The following TNIP3 variants were observed in gnomAD, a reference collection of about 807,000 sequenced individuals.
TNIP3 encodes the protein TNFAIP3 interacting protein 3, also known as TNFAIP3-interacting protein 3.
Under a neutral mutation model 54.1 loss-of-function variants are expected in TNIP3, and 34 were observed. The observed-to-expected ratio is 0.63, with a 90% CI of 0.48 to 0.84. TNIP3 has a LOEUF of 0.84. Ranked by LOEUF, TNIP3 falls within the 40% of genes least tolerant of loss-of-function variation. The probability of loss-of-function intolerance (pLI) is 0.00; values close to 1 mark genes in which losing one functional copy is unlikely to be tolerated. For missense variants in TNIP3, 366 were observed against 387.6 expected (o/e 0.94, Z 0.47); for synonymous variants, 134 against 136.8 (o/e 0.98, Z 0.14).
At chr4:121,189,757 A>C (rs1043055471) in intron 2 of TNIP3, among the ~76,000 whole-genome samples, 5 of 152,216 alleles carry the variant, frequency 3.3e-5, no homozygotes, top group Non-Finnish European at 7.3e-5. Context: ...ATATCGAAGA[A>C]TTGTATTTGC....
At chr4:121,141,334 T>C (rs1404004913) in intron 9 of TNIP3, among the ~76,000 whole-genome samples, 1 of 152,232 alleles carries the variant, frequency 6.6e-6, no homozygotes, top group East Asian at 1.9e-4. Flanking sequence ...GGAGAACAAC[T>C]TAAGTGGGTC....
chr4:121,225,581 C>G lies in TNIP3; in HGVS notation c.3+1804G>C, dbSNP rs754639985. Among the ~76,000 whole-genome samples the G allele has an allele frequency of 8.5e-5, 13 of 152,132 alleles. No individual in the cohort carries two copies. In the East Asian group the frequency reaches 1.2e-3, roughly 13 times the overall value. On this transcript the variant is annotated intron_variant, in intron 1 of 12. Coordinates refer to the TNIP3 transcript ENST00000509841. ...GTACAACTATGAGTAATAGGTGTTC[C>G]TCTAATAATTCATCATTATCTGATC...
At chr4:121,163,910 T>C (rs1403558715) in intron 1 of TNIP3, 150 bp downstream of exon 1, 21 of 824,884 alleles carry the variant, frequency 2.5e-5, no homozygotes, top group Non-Finnish European at 3.5e-5. Context: ...TTTTCTATGT[T>C]ACATAATTTT....
chr4:121,155,552 C>T (rs898543521), intron 4 of TNIP3, among the ~76,000 whole-genome samples: 4 of 152,138 alleles, frequency 2.6e-5, no homozygotes, highest in African/African-American at 9.7e-5. Context: ...ACCACTCCTC[C>T]AATTTTAGAT....
At chr4:121,201,408 T>G (rs1725877540) in intron 2 of TNIP3, among the ~76,000 whole-genome samples, 1 of 152,176 alleles carries the variant, frequency 6.6e-6, no homozygotes, top group African/African-American at 2.4e-5. Flanking sequence ...AAATTAGTTT[T>G]TAAGCATTAT....
At chr4:121,198,567 T>C (rs1725722034) in intron 2 of TNIP3, among the ~76,000 whole-genome samples, 1 of 152,198 alleles carries the variant, frequency 6.6e-6, no homozygotes, top group Non-Finnish European at 1.5e-5. Context: ...AAAATCCCTG[T>C]TTTCATGGAG....
chr4:121,156,117 T>A (rs920021190), intron 4 of TNIP3, among the ~76,000 whole-genome samples: 1 of 152,216 alleles, frequency 6.6e-6, no homozygotes, highest in Non-Finnish European at 1.5e-5. Context: ...TTTTCCTGAC[T>A]CACTGTGACA....
chr4:121,192,026 TTTTG>T (rs1472154661), intron 2 of TNIP3, among the ~76,000 whole-genome samples: 1 of 152,240 alleles, frequency 6.6e-6, no homozygotes, highest in African/African-American at 2.4e-5. Flanking sequence ...TGCATTACCT[TTTTG>T]TTTAATCATT....
chr4:121,137,393 A>G (rs1728850866), intron 10 of TNIP3: 1 of 152,232 alleles, frequency 6.6e-6, no homozygotes, highest in African/African-American at 2.4e-5. Flanking sequence ...GAACTTCATT[A>G]AAACCACTGG....
chr4:121,198,233 G>A (rs1164174798), intron 2 of TNIP3, among the ~76,000 whole-genome samples: 1 of 151,280 alleles, frequency 6.6e-6, no homozygotes, highest in African/African-American at 2.4e-5. Flanking sequence ...TAAAGCAAAA[G>A]GAATAAGCTA....
At chr4:121,170,855 G>A (rs778524000) in intron 3 of TNIP3, among the ~76,000 whole-genome samples, 6 of 151,818 alleles carry the variant, frequency 4.0e-5, no homozygotes, top group African/African-American at 1.5e-4. Flanking sequence ...TTGCTCTGTC[G>A]CTCAAGCTGG....
intron 2 of TNIP3, among the ~76,000 whole-genome samples, chr4:121,196,928 G>A (rs1360255707): frequency 1.3e-5 from 2 of 151,604 alleles, no homozygotes; most frequent in African/African-American, 2.4e-5. Context: ...TTAAAAAAAT[G>A]TAAGAAATAA....
At chr4:121,151,019 G>C (rs1488655812) in intron 5 of TNIP3, among the ~76,000 whole-genome samples, 2 of 152,200 alleles carry the variant, frequency 1.3e-5, no homozygotes, top group Non-Finnish European at 2.9e-5. Flanking sequence ...ATTAGCTCAT[G>C]ATGGGCATAT....
In TNIP3 at chr4:121,150,085, C is replaced by G. The variant is rs776221715; in HGVS notation, c.609+18G>C. ...GCAGTATGTTCTCCACAGGATCATG[C>G]CACTTCCAGCTTCTCACCTGCTGCT... On this transcript the variant is annotated intron_variant, in intron 6 of 10. Coordinates refer to ENST00000057513, the MANE Select transcript of TNIP3 (RefSeq NM_024873.6). 6.5e-7 allele frequency: 1 copy of G among 1,542,780 alleles called. No homozygotes were observed.
chr4:121,216,379 T>TCAGATG, intron 2 of TNIP3: 1 of 1,484,788 alleles, frequency 6.7e-7, no homozygotes, highest in South Asian at 1.2e-5. Flanking sequence ...AATATTAGTA[T>TCAGATG]TAGAAGCATA....
intron 2 of TNIP3, among the ~76,000 whole-genome samples, chr4:121,190,797 G>A (rs1725266283): frequency 6.6e-6 from 1 of 152,204 alleles, no homozygotes. Flanking sequence ...CTCTCAGAGA[G>A]TTTCTTCATA....
intron 3 of TNIP3, among the ~76,000 whole-genome samples, chr4:121,177,713 G>C (rs1724442532): frequency 1.3e-5 from 2 of 152,232 alleles, no homozygotes; most frequent in Non-Finnish European, 2.9e-5. Context: ...TAACCAAATA[G>C]AAATTTTCTT....
At chr4:121,216,332 C>A in intron 2 of TNIP3, 1 of 1,189,092 alleles carries the variant, frequency 8.4e-7, no homozygotes, top group Non-Finnish European at 1.2e-6. Flanking sequence ...ACTCTTAATA[C>A]ACTATCATTG....
Position 121,142,735 on chromosome 4 carries a change from T to C in TNIP3, c.777A>G (p.Gln259=), listed in dbSNP as rs1579375966. ...AATTAGATCAACATACCTGTTTTAA[T>C]TGCTTTTCTAGTTTTTCTTTCTCCA... is the stretch of plus-strand genomic sequence containing the variant. The part of the protein sequence containing the change: ...CQMEKEKLEK[Q]LKQMYCPPCN... Residue 259 remains glutamine, a synonymous_variant, in exon 8 of 11, where the codon CAA becomes CAG. Coordinates refer to ENST00000057513, the MANE Select transcript of TNIP3 (RefSeq NM_024873.6). 1 of 1,612,226 alleles carries C rather than the reference T, an allele frequency of 6.2e-7. No homozygotes were observed. Among genetic ancestry groups the C allele is most frequent in the Non-Finnish European group, 8.5e-7 (1 of 1,178,492 alleles).
Sources: allele counts gnomAD v4.1 joint callset (sites outside exome capture counted in the v4.1 genomes callset), GRCh38; gene constraint gnomAD v4.1.1; transcripts MANE v1.5; gene names NCBI Gene and HGNC (gene_info 2026-07-23, HGNC 2026-07-21).